The following HIPK3 variants were observed in gnomAD, a reference collection of about 807,000 sequenced individuals.
HIPK3 encodes homeodomain interacting protein kinase 3.
A neutral mutation model predicts 124.2 loss-of-function variants in HIPK3; 47 were observed. That is an observed-to-expected ratio of 0.38 (90% CI 0.30 to 0.48). The LOEUF (loss-of-function observed/expected upper bound fraction) is 0.48, where lower values mean the gene tolerates loss of function less well. HIPK3 is among the 20% of genes least tolerant of loss of function. HIPK3 has a pLI of 0.98. For missense variants in HIPK3, 1,286 were observed against 1,454.3 expected, an observed-to-expected ratio of 0.88 and a Z score of 1.88; for synonymous variants, 482 against 515.2, an observed-to-expected ratio of 0.94 and a Z score of 0.87.
chr11:33,337,166 A>T lies in HIPK3; in HGVS notation c.1313A>T (p.Asp438Val). The change falls in exon 4 of 17, where the codon GAT (aspartate) becomes GTT (valine). Residue 438 changes from aspartate to valine, a missense_variant. Transcript: ENST00000303296. ...KSTRFFCKET[D>V]MSHSGWRLKT... ...ACAAGATTTTTTTGCAAAGAAACAG[A>T]TATGTCTCATTCTGGTTGGAGATTA... is the stretch of plus-strand genomic sequence containing the variant. 1.3e-6 allele frequency: 2 copies of T among 1,558,978 alleles called. No individual in the cohort carries two copies. The highest frequency in any genetic ancestry group is 1.8e-6 in the Non-Finnish European group (2 of 1,131,996).
At chr11:33,285,852 A>G (rs1419875136) in intron 1 of HIPK3, among the ~76,000 whole-genome samples, 1 of 151,638 alleles carries the variant, frequency 6.6e-6, no homozygotes, top group East Asian at 1.9e-4. Flanking sequence ...GCTCACTGCA[A>G]CCTCCACCTC....
intron 8 of HIPK3, among the ~76,000 whole-genome samples, chr11:33,344,008 GT>G (rs895553431): frequency 2.0e-5 from 3 of 152,080 alleles, no homozygotes; most frequent in African/African-American, 7.2e-5. Flanking sequence ...GTGTTTTTCA[GT>G]TTTTTCCCCC....
intron 15 of HIPK3, 108 bp from the exon 16 acceptor site, chr11:33,352,030 A>T: frequency 1.7e-6 from 2 of 1,184,764 alleles, no homozygotes; most frequent in Admixed American, 2.1e-5. Context: ...GATTTTATTT[A>T]ATTTTAAGGC....
At chr11:33,325,649 C>T (rs1171312900) in intron 2 of HIPK3, among the ~76,000 whole-genome samples, 1 of 152,152 alleles carries the variant, frequency 6.6e-6, no homozygotes, top group Non-Finnish European at 1.5e-5. Flanking sequence ...TGATACTTTT[C>T]TTTGTGTGAC....
intron 8 of HIPK3, 50 bp from the exon 9 acceptor site, chr11:33,347,243 A>G (rs1293773166): frequency 2.0e-6 from 3 of 1,526,178 alleles, no homozygotes; most frequent in Admixed American, 1.9e-5. Flanking sequence ...TGTATAAGTT[A>G]AATAAGAGGA....
intron 2 of HIPK3, among the ~76,000 whole-genome samples, chr11:33,315,505 G>T (rs768990978): frequency 6.6e-6 from 1 of 152,170 alleles, no homozygotes; most frequent in Non-Finnish European, 1.5e-5. Flanking sequence ...GATTACAGGC[G>T]TGAGCCACTG....
chr11:33,353,791 G>C lies in HIPK3; in HGVS notation c.*223G>C. On this transcript the variant is annotated 3_prime_UTR_variant, in exon 17 of 17. Coordinates refer to ENST00000303296, the MANE Select transcript of HIPK3 (RefSeq NM_005734.5). The stretch of plus-strand genomic sequence containing the variant: ...TCTTCTTATGTAGTAACTCTAGACA[G>C]GTGACTTATGGGAGCAGAAGTCCAG... 2.1e-6 allele frequency: 1 copy of C among 477,860 alleles called. No homozygotes were observed. The highest frequency in any genetic ancestry group is 2.3e-5 in the South Asian group (1 of 43,792). The allele number at this position is 477,860 out of a possible 1,614,324, so 29.6% of individuals were successfully genotyped here.
chr11:33,297,225 C>T (rs920084781), intron 2 of HIPK3, among the ~76,000 whole-genome samples: 2 of 151,840 alleles, frequency 1.3e-5, no homozygotes, highest in African/African-American at 4.8e-5. Flanking sequence ...TCCCGAGTAG[C>T]TGGGATTACA....
At chr11:33,294,540 A>G (rs142428224) in intron 2 of HIPK3, among the ~76,000 whole-genome samples, 112 of 152,302 alleles carry the variant, frequency 7.4e-4, no homozygotes, top group African/African-American at 2.6e-3. Flanking sequence ...CTTCAGTACA[A>G]TTATCAAAAT....
At chr11:33,341,462 A>G (rs1853332166) in intron 7 of HIPK3, 101 bp from the exon 8 acceptor site, 1 of 1,174,556 alleles carries the variant, frequency 8.5e-7, no homozygotes, top group Non-Finnish European at 1.2e-6. Context: ...ACACATTTTA[A>G]TAGTAGAATT....
chr11:33,299,838 A>G (rs550775140), intron 2 of HIPK3, among the ~76,000 whole-genome samples: 48 of 151,902 alleles, frequency 3.2e-4, no homozygotes, highest in Non-Finnish European at 5.7e-4. Flanking sequence ...AGCCTGGGCA[A>G]TGTGGTGGGA....
At chr11:33,286,058 T>C (rs1851541322) in intron 1 of HIPK3, among the ~76,000 whole-genome samples, 1 of 152,124 alleles carries the variant, frequency 6.6e-6, no homozygotes, top group Non-Finnish European at 1.5e-5. Context: ...TACAGGGATC[T>C]ATACTTTTCT....
At chr11:33,275,662 A>G (rs1421176864) in intron 1 of HIPK3, among the ~76,000 whole-genome samples, 2 of 152,206 alleles carry the variant, frequency 1.3e-5, no homozygotes, top group African/African-American at 2.4e-5. Context: ...GACTGGCACT[A>G]TGGTTCTGTC....
chr11:33,348,896 ATTTCTTGTTTG>A, intron 13 of HIPK3, 78 bp downstream of exon 13: 1 of 1,356,702 alleles, frequency 7.4e-7, no homozygotes, highest in Non-Finnish European at 1.0e-6. Flanking sequence ...TCTGTGACTT[ATTTCTTGTTTG>A]TCAATGTACT....
At chr11:33,280,872 C>T (rs1443748261) in intron 1 of HIPK3, among the ~76,000 whole-genome samples, 2 of 151,940 alleles carry the variant, frequency 1.3e-5, no homozygotes, top group Non-Finnish European at 2.9e-5. Context: ...ACTTGGGGGC[C>T]CTGATTTGGT....
chr11:33,313,128 G>A (rs912241585), intron 2 of HIPK3, among the ~76,000 whole-genome samples: 1 of 152,086 alleles, frequency 6.6e-6, no homozygotes, highest in South Asian at 2.1e-4. Context: ...TAGTAATCCT[G>A]CTAAAAATTA....
chr11:33,325,867 A>G (rs1310419567), intron 2 of HIPK3, among the ~76,000 whole-genome samples: 1 of 152,222 alleles, frequency 6.6e-6, no homozygotes, highest in East Asian at 1.9e-4. Context: ...ATTTGATTAT[A>G]CCTAAATATA....
At chr11:33,328,681 A>G (rs1852881387) in intron 3 of HIPK3, 48 bp downstream of exon 3, 1 of 1,564,388 alleles carries the variant, frequency 6.4e-7, no homozygotes, top group Non-Finnish European at 8.8e-7. Context: ...GTAAAGAATA[A>G]TAACAGACTT....
intron 3 of HIPK3, among the ~76,000 whole-genome samples, chr11:33,335,202 G>A (rs963708963): frequency 4.6e-5 from 7 of 152,148 alleles, no homozygotes; most frequent in Admixed American, 4.6e-4. Flanking sequence ...GTTTCAATAA[G>A]CGGTTGGGCC....
Sources: allele counts gnomAD v4.1 joint callset (sites outside exome capture counted in the v4.1 genomes callset), GRCh38; gene constraint gnomAD v4.1.1; transcripts MANE v1.5; gene names NCBI Gene and HGNC (gene_info 2026-07-23, HGNC 2026-07-21).